The following HGSNAT variants were observed in gnomAD, a reference collection of about 807,000 sequenced individuals.
HGSNAT encodes the protein transmembrane protein 76.
A neutral mutation model predicts 85.2 loss-of-function variants in HGSNAT; 59 were observed. The ratio of observed to expected loss-of-function variants is 0.69; its 90% CI spans 0.56 to 0.86. HGSNAT has a LOEUF of 0.86. Ranked by LOEUF, HGSNAT falls within the 40% of genes least tolerant of loss-of-function variation. The probability of loss-of-function intolerance (pLI) is 0.00; values close to 1 mark genes in which losing one functional copy is unlikely to be tolerated. For missense variants in HGSNAT, 756 were observed against 777.1 expected, an observed-to-expected ratio of 0.97 and a Z score of 0.32; for synonymous variants, 321 against 304.5, an observed-to-expected ratio of 1.05 and a Z score of -0.56.
intron 10 of HGSNAT, chr8:43,181,530 A>G (rs1470383179): frequency 6.5e-6 from 1 of 152,986 alleles, no homozygotes; most frequent in African/African-American, 2.4e-5. Flanking sequence ...AATAGGCACT[A>G]GCAAGAGGTG....
At chr8:43,166,781 C>T (rs116843021) in intron 5 of HGSNAT, among the ~76,000 whole-genome samples, 2,702 of 152,138 alleles carry the variant, frequency 0.018, 35 homozygotes, top group Middle Eastern at 0.048. Flanking sequence ...TTTATAAAGC[C>T]GTATAGCTGC....
Position 43,170,617 on chromosome 8 carries a change from C to T in HGSNAT, c.666C>T (p.Leu222=), listed in dbSNP as rs754275273. The T allele has an allele frequency of 2.4e-5, 38 of 1,610,014 alleles. No individual in the cohort carries two copies. Among genetic ancestry groups the T allele is most frequent in the African/African-American group, 1.5e-4 (11 of 74,904 alleles). Residue 222 remains leucine, a synonymous_variant, in exon 7 of 18, where the codon CTC becomes CTT. Transcript: ENST00000379644. ...GATCTCCCAGCAGGACAGACCCTCT[C>T]GATGGTGATGTTCAGCCAGCAACGT... ...ELGSPSRTDP[L]DGDVQPATWR...
intron 13 of HGSNAT, among the ~76,000 whole-genome samples, chr8:43,192,864 G>A (rs1340407603): frequency 6.6e-6 from 1 of 152,190 alleles, no homozygotes; most frequent in African/African-American, 2.4e-5. Context: ...TTTCCTGGCA[G>A]CAGACCCTGA....
At chr8:43,144,177 T>C (rs1338048918) in intron 1 of HGSNAT, among the ~76,000 whole-genome samples, 2 of 151,610 alleles carry the variant, frequency 1.3e-5, no homozygotes, top group African/African-American at 4.9e-5. Context: ...AAAAAAAAAT[T>C]AGCTGGATGT....
At chr8:43,152,369 CAAAA>C (rs1415888133) in intron 2 of HGSNAT, among the ~76,000 whole-genome samples, 2 of 151,852 alleles carry the variant, frequency 1.3e-5, no homozygotes, top group Admixed American at 6.6e-5. Context: ...ATCATCCAAA[CAAAA>C]AGAAAAAGAA....
At chr8:43,190,956 C>G (rs981885129) in intron 11 of HGSNAT, among the ~76,000 whole-genome samples, 2 of 152,152 alleles carry the variant, frequency 1.3e-5, no homozygotes, top group East Asian at 1.9e-4. Flanking sequence ...TACTTGTTGT[C>G]TCTACACATG....
chr8:43,144,572 C>G (rs1006881235), intron 1 of HGSNAT, among the ~76,000 whole-genome samples: 13 of 152,198 alleles, frequency 8.5e-5, no homozygotes, highest in African/African-American at 2.9e-4. Flanking sequence ...TCAAGTTTAA[C>G]TTGAATTTAT....
At chr8:43,177,122 T>C (rs765073080) in intron 9 of HGSNAT, among the ~76,000 whole-genome samples, 1 of 152,198 alleles carries the variant, frequency 6.6e-6, no homozygotes, top group Non-Finnish European at 1.5e-5. Flanking sequence ...ATCCTTGTCA[T>C]GTTCCAGATC....
intron 2 of HGSNAT, among the ~76,000 whole-genome samples, chr8:43,153,930 C>T (rs191482445): frequency 1.8e-4 from 27 of 152,290 alleles, no homozygotes; most frequent in Admixed American, 1.7e-3. Context: ...TTGCACATTT[C>T]TTTGTCCATT....
rs374892647 is a variant in HGSNAT at position 43,178,217 on chromosome 8, A to G, written c.995A>G (p.Asn332Ser). 91 of 1,550,506 alleles carry G rather than the reference A, an allele frequency of 5.9e-5. No individual in the cohort carries two copies. The highest frequency in any genetic ancestry group is 7.7e-5 in the Non-Finnish European group (89 of 1,152,550). Reference sequence around the variant, plus strand: ...ATAGGAATTATCATTGTGAATCCCAATTATTGCCTTGGTCCATGTAAGTAC... The same window carrying G: ...ATAGGAATTATCATTGTGAATCCCAGTTATTGCCTTGGTCCATGTAAGTAC... The part of the protein sequence containing the change: ...ICIGIIIVNP[N>S]YCLGPLSWDK... The change falls in exon 10 of 18, where the codon AAT becomes AGT. Residue 332 changes from asparagine to serine, a missense_variant. By Grantham distance (46) the Asn-to-Ser change is conservative. Transcript: ENST00000379644.
At chr8:43,147,559 T>C (rs974528012) in intron 2 of HGSNAT, among the ~76,000 whole-genome samples, 3 of 152,216 alleles carry the variant, frequency 2.0e-5, no homozygotes, top group African/African-American at 7.2e-5. Flanking sequence ...AATATTCTAC[T>C]ATGCAACCAT....
At chr8:43,192,779 CAAAA>C (rs757604402) in intron 13 of HGSNAT, among the ~76,000 whole-genome samples, 2 of 145,936 alleles carry the variant, frequency 1.4e-5, no homozygotes, top group East Asian at 2.0e-4. Context: ...AAACAAAAAA[CAAAA>C]AAAAAAGCAA....
intron 17 of HGSNAT, among the ~76,000 whole-genome samples, chr8:43,198,186 T>C (rs1175914275): frequency 6.6e-6 from 1 of 152,056 alleles, no homozygotes; most frequent in Non-Finnish European, 1.5e-5. Flanking sequence ...GTGGAGTCGT[T>C]GTATGACAGT....
intron 10 of HGSNAT, among the ~76,000 whole-genome samples, chr8:43,179,549 T>C (rs1586735499): frequency 1.2e-5 from 1 of 84,580 alleles, no homozygotes; most frequent in Non-Finnish European, 2.4e-5. Context: ...CCCCACCGCC[T>C]CCCTCCCGGA....
chr8:43,190,589 G>T (rs1804494241), intron 11 of HGSNAT, among the ~76,000 whole-genome samples: 1 of 152,174 alleles, frequency 6.6e-6, no homozygotes, highest in Non-Finnish European at 1.5e-5. Context: ...GGGACCTGAG[G>T]GTCCGCGGAG....
intron 5 of HGSNAT, among the ~76,000 whole-genome samples, chr8:43,166,057 G>A (rs538422795): frequency 6.6e-6 from 1 of 152,332 alleles, no homozygotes; most frequent in African/African-American, 2.4e-5. Context: ...CCAGAGCAAG[G>A]CCCTAGCTCT....
intron 14 of HGSNAT, chr8:43,196,611 C>T: frequency 2.0e-6 from 2 of 1,009,044 alleles, no homozygotes; most frequent in Non-Finnish European, 2.8e-6. Context: ...TGTGGTGTGG[C>T]TACCATGCTT....
At chr8:43,174,340 A>G (rs1321903682) in intron 9 of HGSNAT, 1 of 152,228 alleles carries the variant, frequency 6.6e-6, no homozygotes, top group Non-Finnish European at 1.5e-5. Flanking sequence ...GTTCAGTTCC[A>G]TTAATCCTGA....
In HGSNAT at chr8:43,178,086, T is replaced by C; in HGVS notation, c.864T>C (p.Ile288=). The change falls in exon 10 of 18, where the codon ATT becomes ATC. Residue 288 remains isoleucine, a synonymous_variant. Coordinates refer to ENST00000379644, the MANE Select transcript of HGSNAT (RefSeq NM_152419.3). ...AGATTCTTTTTAGGTTTGTATTTAT[T>C]ATGGGATCTTCCATTTTTCTATCGA... is the stretch of plus-strand genomic sequence containing the variant. ...ADLVFPWFVF[I]MGSSIFLSMT... The C allele has an allele frequency of 6.2e-7, 1 of 1,613,046 alleles. No individual in the cohort carries two copies. The highest frequency in any genetic ancestry group is 8.5e-7 in the Non-Finnish European group (1 of 1,179,518).
Sources: allele counts gnomAD v4.1 joint callset (sites outside exome capture counted in the v4.1 genomes callset), GRCh38; gene constraint gnomAD v4.1.1; transcripts MANE v1.5; gene names NCBI Gene and HGNC (gene_info 2026-07-23, HGNC 2026-07-21).